The following PARD3B variants were observed in gnomAD, a reference collection of about 807,000 sequenced individuals.
PARD3B encodes par-3 family cell polarity regulator beta.
PARD3B carries 103 observed loss-of-function variants against 130.2 expected under a neutral mutation model. The observed-to-expected ratio is 0.79, with a 90% CI of 0.67 to 0.93. The LOEUF (loss-of-function observed/expected upper bound fraction) is 0.93. Among genes scored for constraint, PARD3B ranks in the 40% least tolerant of loss-of-function variants. The probability of loss-of-function intolerance (pLI) is 0.00; values close to 1 mark genes in which losing one functional copy is unlikely to be tolerated. For synonymous variants in PARD3B, 583 were observed against 553.2 expected (o/e 1.05, Z -0.76); for missense variants, 1,609 against 1,499.2 (o/e 1.07, Z -1.21).
At chr2:205,507,466 G>A (rs891739881) in intron 21 of PARD3B, among the ~76,000 whole-genome samples, 4 of 151,650 alleles carry the variant, frequency 2.6e-5, no homozygotes, top group Non-Finnish European at 4.4e-5. Flanking sequence ...TGCCTGCCTC[G>A]GCCTCCCAAA....
At chr2:204,865,178 G>A (rs1218452856) in intron 2 of PARD3B, among the ~76,000 whole-genome samples, 1 of 152,130 alleles carries the variant, frequency 6.6e-6, no homozygotes, top group African/African-American at 2.4e-5. Flanking sequence ...TGGGGAAAAT[G>A]TGAACTAGTA....
At chr2:204,811,848 A>C (rs891246330) in intron 2 of PARD3B, among the ~76,000 whole-genome samples, 7 of 152,020 alleles carry the variant, frequency 4.6e-5, no homozygotes, top group African/African-American at 1.7e-4. Flanking sequence ...GTTTGCATAA[A>C]CCTTTTCTCC....
At chr2:205,553,011 T>C (rs954591425) in intron 21 of PARD3B, among the ~76,000 whole-genome samples, 10 of 117,896 alleles carry the variant, frequency 8.5e-5, no homozygotes, top group Non-Finnish European at 1.1e-4. Flanking sequence ...AAAACTAAAG[T>C]CGGTTTTAAA....
At chr2:205,546,176 A>G (rs2052372052) in intron 21 of PARD3B, among the ~76,000 whole-genome samples, 1 of 152,208 alleles carries the variant, frequency 6.6e-6, no homozygotes, top group African/African-American at 2.4e-5. Context: ...GTCATAATCC[A>G]GCCAAAGAGG....
rs765748978 is a variant in PARD3B at position 205,078,374 on chromosome 2, C to T, written c.505-26052C>T. Among the ~76,000 whole-genome samples, 2 of 152,044 alleles carry T rather than the reference C, an allele frequency of 1.3e-5. No individual in the cohort carries two copies. Among genetic ancestry groups the T allele is most frequent in the Non-Finnish European group, 2.9e-5 (2 of 68,000 alleles). On this transcript the variant is annotated intron_variant, in intron 4 of 22. Coordinates refer to ENST00000406610, the MANE Select transcript of PARD3B (RefSeq NM_001302769.2). The surrounding 1 kb of genome is among the most constrained non-coding windows in gnomAD (Gnocchi z 4.0). ...AATTTTTATTAATTGTATGGTTTTC[C>T]TTTTATGTTTTCAGGTGAGAGTATT... is the stretch of plus-strand genomic sequence containing the variant.
intron 2 of PARD3B, among the ~76,000 whole-genome samples, chr2:204,702,587 C>A (rs983383604): frequency 6.6e-6 from 1 of 151,640 alleles, no homozygotes; most frequent in Non-Finnish European, 1.5e-5. Flanking sequence ...TTATTTTTTT[C>A]TTTTTTTGAA....
Position 205,478,257 on chromosome 2 carries a change from G to T in PARD3B, c.3045-21639G>T, listed in dbSNP as rs116295831. On this transcript the variant is annotated intron_variant, in intron 20 of 22. Transcript: ENST00000406610. ...GAGGCAATGGGTGGTCACTAGGGGC[G>T]CCCCCATTACCCTGAAAACCTGTCT... Among the ~76,000 whole-genome samples, 776 of 152,240 alleles carry T rather than the reference G, an allele frequency of 5.1e-3. 3 individuals are homozygous for T. The highest frequency in any genetic ancestry group is 7.4e-3 in the Non-Finnish European group (504 of 68,018).
intron 2 of PARD3B, among the ~76,000 whole-genome samples, chr2:204,781,976 C>G (rs1291278583): frequency 6.6e-6 from 1 of 151,840 alleles, no homozygotes; most frequent in Non-Finnish European, 1.5e-5. Flanking sequence ...TTATCTTGTT[C>G]TTTTTTACTC....
chr2:205,103,016 C>T (rs983752624), intron 4 of PARD3B, among the ~76,000 whole-genome samples: 7 of 150,908 alleles, frequency 4.6e-5, no homozygotes, highest in African/African-American at 7.3e-5. Flanking sequence ...TGCAGTGAGC[C>T]GAGATCATGC....
chr2:205,197,032 G>GGGGGGGGTGT (rs1553636919), intron 15 of PARD3B, among the ~76,000 whole-genome samples: 1 of 55,260 alleles, frequency 1.8e-5, no homozygotes, highest in Non-Finnish European at 3.2e-5. Context: ...GTGGGGGGGG[G>GGGGGGGGTGT]GTGTGTGTGT....
At chr2:204,569,109 T>C (rs1005469457) in intron 1 of PARD3B, among the ~76,000 whole-genome samples, 2 of 152,138 alleles carry the variant, frequency 1.3e-5, no homozygotes, top group African/African-American at 4.8e-5. Context: ...ATATTGGGAG[T>C]GTGGTGCTGA....
At chr2:204,970,695 TTTAG>T (rs1189857026) in intron 3 of PARD3B, among the ~76,000 whole-genome samples, 2 of 152,236 alleles carry the variant, frequency 1.3e-5, no homozygotes, top group African/African-American at 4.8e-5. Flanking sequence ...AAAATATTTA[TTTAG>T]TTAAATTATT....
chr2:204,705,322 T>C (rs1028826991), intron 2 of PARD3B, among the ~76,000 whole-genome samples: 4 of 152,178 alleles, frequency 2.6e-5, no homozygotes, highest in Admixed American at 1.3e-4. Flanking sequence ...GCATCATTAA[T>C]AATATAGCAA....
chr2:204,925,695 A>C (rs1687558118), intron 2 of PARD3B, among the ~76,000 whole-genome samples: 1 of 152,052 alleles, frequency 6.6e-6, no homozygotes, highest in Non-Finnish European at 1.5e-5. Flanking sequence ...CACCTCCAAG[A>C]GACATTATTG....
chr2:204,821,099 A>G (rs889189390), intron 2 of PARD3B, among the ~76,000 whole-genome samples: 3 of 152,154 alleles, frequency 2.0e-5, no homozygotes, highest in Non-Finnish European at 2.9e-5. Flanking sequence ...TAGGAGAGTA[A>G]TGTTGTTTTC....
rs2036190649 is a variant in PARD3B, at chr2:205,187,953, TACTC to T, written c.2024+2092_2024+2095del. On this transcript the variant is annotated intron_variant, in intron 14 of 22. Transcript: ENST00000406610. This position sits in a 1 kb window ranked among gnomAD's most constrained non-coding sequence, Gnocchi z 4.9. ...TTGGTTATTAAGTCATTTATTCACT[TACTC>T]ATCCATTCAAAAGTATTTCTGGAGC... Among the ~76,000 whole-genome samples, 1 of 152,224 alleles carries T rather than the reference TACTC, an allele frequency of 6.6e-6. No individual in the cohort carries two copies. The highest frequency in any genetic ancestry group is 2.1e-4 in the South Asian group (1 of 4,830).
Position 204,837,333 on chromosome 2 carries a change from A to G in PARD3B, c.223-127819A>G, listed in dbSNP as rs150063442. Among the ~76,000 whole-genome samples, 337 of 152,160 alleles carry G rather than the reference A, an allele frequency of 2.2e-3. 1 individual carries two copies. Among genetic ancestry groups the G allele is most frequent in the African/African-American group, 7.8e-3 (324 of 41,514 alleles). The stretch of plus-strand genomic sequence containing the variant: ...TAGAAATTAATGCATTTAGTTTACC[A>G]TTTTTAAATAACTGAGTTTTATTTC... On this transcript the variant is annotated intron_variant, in intron 2 of 22. Coordinates refer to ENST00000406610, the MANE Select transcript of PARD3B (RefSeq NM_001302769.2).
intron 18 of PARD3B, among the ~76,000 whole-genome samples, chr2:205,317,600 A>G (rs2042605568): frequency 1.3e-5 from 2 of 152,088 alleles, no homozygotes; most frequent in African/African-American, 4.8e-5. Flanking sequence ...CCAGTCGATC[A>G]CCCTATTCTG....
intron 16 of PARD3B, among the ~76,000 whole-genome samples, chr2:205,248,798 A>G (rs1485927815): frequency 2.0e-5 from 3 of 150,732 alleles, no homozygotes; most frequent in Non-Finnish European, 4.4e-5. Flanking sequence ...CAGTAGAGAC[A>G]AGGTTTCACC....
Sources: allele counts gnomAD v4.1 joint callset (sites outside exome capture counted in the v4.1 genomes callset), GRCh38; gene constraint gnomAD v4.1.1; non-coding constraint Gnocchi (gnomAD v3.1); transcripts MANE v1.5; gene names NCBI Gene and HGNC (gene_info 2026-07-23, HGNC 2026-07-21).